Variants in GCM1 observed in about 807,000 individuals in gnomAD.
The protein encoded by GCM1 is GCM transcription factor 1.
A neutral mutation model predicts 25.7 loss-of-function variants in GCM1; 2 were observed. The ratio of observed to expected loss-of-function variants is 0.08; its 90% confidence interval spans 0.03 to 0.24. The LOEUF (loss-of-function observed/expected upper bound fraction) is 0.24, where lower values mean the gene tolerates loss of function less well. GCM1 is among the 10% of genes least tolerant of loss of function. GCM1 has a pLI of 1.00. For synonymous variants in GCM1, 183 were observed against 195.7 expected, an observed-to-expected ratio of 0.94 and a Z score of 0.54; for missense variants, 395 against 538.7, an observed-to-expected ratio of 0.73 and a Z score of 2.64.
At position 53,128,493 on chromosome 6, in the gene GCM1, G is replaced by A. The variant is rs763785660; in HGVS notation, c.1024C>T (p.Pro342Ser). ...NSSEPFYQQLPLEPPAAKTGC... is the reference protein window; with the variant it reads ...NSSEPFYQQLSLEPPAAKTGC... The stretch of plus-strand genomic sequence containing the variant: ...GTTTTGGCTGCAGGTGGCTCCAATG[G>A]AAGCTGCTGGTAAAAGGGTTCTGAA... Residue 342 changes from proline (P) to serine (S), a missense_variant, in exon 6 of 6, where the codon CCA becomes TCA. By Grantham distance (74) the Pro-to-Ser change is moderately conservative. Transcript: ENST00000259803. 1.2e-6 allele frequency: 2 copies of A among 1,614,072 alleles called. No homozygotes were observed. Among genetic ancestry groups the A allele is most frequent in the Non-Finnish European group, 1.7e-6 (2 of 1,179,944 alleles).
intron 4 of GCM1, 117 bp downstream of exon 4, chr6:53,131,890 T>G (rs951339734): frequency 8.5e-6 from 6 of 703,320 alleles, no homozygotes; most frequent in African/African-American, 7.0e-5. Context: ...AGATACTTGC[T>G]CTCTTAGAGT....
intron 5 of GCM1, 92 bp from the exon 6 acceptor site, chr6:53,129,038 G>A (rs1763688965): frequency 1.0e-6 from 1 of 977,948 alleles, no homozygotes; most frequent in Non-Finnish European, 1.5e-6. Context: ...ACAAATAAGA[G>A]CTCCATCAGA....
At chr6:53,139,495 C>CAAAAA (rs58094365) in intron 2 of GCM1, among the ~76,000 whole-genome samples, 3 of 105,806 alleles carry the variant, frequency 2.8e-5, no homozygotes, top group African/African-American at 1.1e-4. Context: ...ACCCCCATCT[C>CAAAAA]AAAAAAAAAA....
Position 53,128,896 on chromosome 6 carries a change from A to C in GCM1, c.621T>G (p.Ser207=). 1 of 1,613,210 alleles carries C rather than the reference A, an allele frequency of 6.2e-7. No individual in the cohort carries two copies. ...QSQGSLPLTW[S]FQEGVQLPGS... is the part of the protein sequence containing the mutation. ...CAGGCAATTGGACGCCTTCCTGGAA[A>C]GACCAAGTTAAAGGTAAACTCCCCT... The change falls in exon 6 of 6, where the codon TCT becomes TCG. Residue 207 remains serine, a synonymous_variant. Transcript: ENST00000259803.
intron 1 of GCM1, 79 bp from the exon 2 acceptor site, chr6:53,145,847 C>T (rs1763947159): frequency 4.2e-6 from 2 of 471,402 alleles, no homozygotes; most frequent in East Asian, 7.6e-5. Context: ...CCAGAAAAAC[C>T]TGTTTCACTG....
chr6:53,138,456 C>T (rs556348948), intron 2 of GCM1, among the ~76,000 whole-genome samples: 13 of 152,066 alleles, frequency 8.5e-5, no homozygotes, highest in Admixed American at 3.3e-4. Context: ...TAAGAGAAAA[C>T]CCAGATCTCA....
At chr6:53,136,979 TA>T (rs879299005) in intron 2 of GCM1, among the ~76,000 whole-genome samples, 78 of 139,200 alleles carry the variant, frequency 5.6e-4, no homozygotes, top group Admixed American at 7.8e-4. Flanking sequence ...TCTGTTTCAA[TA>T]AAAAAAAAAA....
intron 1 of GCM1, among the ~76,000 whole-genome samples, chr6:53,146,433 T>G (rs1763959043): frequency 6.6e-6 from 1 of 151,898 alleles, no homozygotes; most frequent in Non-Finnish European, 1.5e-5. Context: ...CTGGCCAGCC[T>G]GGTCTCGAAC....
intron 2 of GCM1, among the ~76,000 whole-genome samples, chr6:53,143,122 G>T (rs1044645776): frequency 2.0e-5 from 3 of 152,062 alleles, no homozygotes; most frequent in African/African-American, 7.2e-5. Flanking sequence ...AAATACTAAG[G>T]AATATTTGCA....
chr6:53,146,480 A>G (rs996668974), intron 1 of GCM1, among the ~76,000 whole-genome samples: 9 of 152,072 alleles, frequency 5.9e-5, no homozygotes, highest in African/African-American at 7.2e-5. Context: ...TCGGACTCCC[A>G]AAGTGTTGGG....
chr6:53,136,950 T>C (rs377725805), intron 2 of GCM1, among the ~76,000 whole-genome samples: 1 of 151,610 alleles, frequency 6.6e-6, no homozygotes, highest in South Asian at 2.1e-4. Context: ...CACTCCAGCC[T>C]GGGCGACAAG....
chr6:53,133,237 C>T (rs1194814294), intron 3 of GCM1, among the ~76,000 whole-genome samples: 1 of 150,808 alleles, frequency 6.6e-6, no homozygotes, highest in Non-Finnish European at 1.5e-5. Flanking sequence ...CAACATTGGC[C>T]CACTGCAACC....
At position 53,128,028 on chromosome 6, in the gene GCM1, C is replaced by CAAAAAAAAAAAAAAAAAA. The variant is rs1223691364; in HGVS notation, c.*160_*177dup. 5.9e-4 allele frequency: 39 copies of CAAAAAAAAAAAAAAAAAA among 66,432 alleles called. 1 individual carries two copies. The highest frequency in any genetic ancestry group is 1.3e-3 in the East Asian group (3 of 2,332). 4.1% of individuals were successfully genotyped at this position (66,432 alleles called of 1,614,324 possible). A position where few individuals can be genotyped will look rare whatever the true frequency, so the allele number is the denominator to read the frequency against. ...TGGGCAAAAGAGCAAGACTCTGTCT[C>CAAAAAAAAAAAAAAAAAA]AAAAAAAAAAAAAAAAAAAAAAAAA... On this transcript the variant is annotated 3_prime_UTR_variant, in exon 6 of 6. Coordinates refer to ENST00000259803, the MANE Select transcript of GCM1 (RefSeq NM_003643.4).
chr6:53,146,613 A>G (rs796569930), intron 1 of GCM1, among the ~76,000 whole-genome samples: 3 of 152,372 alleles, frequency 2.0e-5, no homozygotes, highest in African/African-American at 7.2e-5. Flanking sequence ...TTCAAATATT[A>G]TCAACTAATA....
intron 2 of GCM1, among the ~76,000 whole-genome samples, chr6:53,135,880 G>GT (rs1763791277): frequency 6.6e-6 from 1 of 152,244 alleles, no homozygotes; most frequent in Non-Finnish European, 1.5e-5. Flanking sequence ...TTCAAATTTA[G>GT]AACGTGCCAA....
chr6:53,130,778 T>C, intron 5 of GCM1, 25 bp downstream of exon 5: 1 of 1,607,354 alleles, frequency 6.2e-7, no homozygotes, highest in South Asian at 1.1e-5. Flanking sequence ...ACTGCATGTA[T>C]TGAACATACA....
chr6:53,128,660 C>A lies in GCM1; in HGVS notation c.857G>T (p.Gly286Val). The A allele has an allele frequency of 6.2e-7, 1 of 1,613,992 alleles. No homozygotes were observed. The highest frequency in any genetic ancestry group is 1.1e-5 in the South Asian group (1 of 91,082). The change falls in exon 6 of 6, where the codon GGA becomes GTA. Residue 286 changes from glycine (G) to valine (V), a missense_variant. Gly to Val is a moderately radical substitution (Grantham distance 109). Around this residue, in one of 5 missense-constraint regions of GCM1, gnomAD observed 291 missense variants for 314.6 expected, o/e 0.92. Transcript: ENST00000259803. ...TAGATCGCCATGATCAGAGTAGACT[C>A]CGGAGGCAGAAGGAGGAAGCAGGTC... ...SGDLLPPSAS[G>V]VYSDHGDLQA...
chr6:53,130,599 G>C (rs566266345), intron 5 of GCM1, among the ~76,000 whole-genome samples: 1 of 152,146 alleles, frequency 6.6e-6, no homozygotes. Context: ...TGGACTTTAT[G>C]GTTCCCAGCA....
chr6:53,144,322 G>T (rs1391885999), intron 2 of GCM1, among the ~76,000 whole-genome samples: 1 of 151,514 alleles, frequency 6.6e-6, no homozygotes, highest in African/African-American at 2.4e-5. Flanking sequence ...CTTCTAAGGA[G>T]GCTGAGGCAG....
Sources: gnomAD v4.1 joint callset for allele counts (sites outside exome capture counted in the v4.1 genomes callset) on GRCh38, gnomAD v4.1.1 for gene constraint, gnomAD v4.1.1 regional missense constraint, MANE v1.5 for transcripts, NCBI Gene and HGNC (gene_info 2026-07-23, HGNC 2026-07-21) for gene names.